SERAC1: variants seen among roughly 807,000 people sequenced by gnomAD.
SERAC1 encodes the protein protein SERAC1.
In SERAC1, 36 loss-of-function variants were observed where a neutral mutation model predicts 85.7. The ratio of observed to expected loss-of-function variants is 0.42; its 90% CI spans 0.32 to 0.55. The LOEUF (loss-of-function observed/expected upper bound fraction) is 0.55, where lower values mean the gene tolerates loss of function less well. Among genes scored for constraint, SERAC1 ranks in the 20% least tolerant of loss-of-function variants. SERAC1 has a pLI of 0.11. For missense variants in SERAC1, 629 were observed against 796.2 expected (o/e 0.79, Z 2.53); for synonymous variants, 242 against 265.3 (o/e 0.91, Z 0.85).
intron 3 of SERAC1, among the ~76,000 whole-genome samples, chr6:158,154,549 C>T (rs888391569): frequency 2.0e-5 from 3 of 152,020 alleles, no homozygotes; most frequent in African/African-American, 7.3e-5. Context: ...TTAACAAATA[C>T]AGTACGATAG....
At chr6:158,111,649 TGCA>T (rs1583553444) in intron 16 of SERAC1, 147 bp from the exon 17 acceptor site, 2 of 561,612 alleles carry the variant, frequency 3.6e-6, no homozygotes, top group East Asian at 6.1e-5. Flanking sequence ...GAAGTTTGAT[TGCA>T]GCTAAACTAC....
chr6:158,158,389 A>G lies in SERAC1; in HGVS notation c.-1-25T>C, dbSNP rs374681398. ...TCTGTGTAAGTAGAACAATTACAAC[A>G]AATTTAATTTAGCATCTAAATCAAA... On this transcript the variant is annotated intron_variant, in intron 1 of 16. Coordinates refer to ENST00000647468, the MANE Select transcript of SERAC1 (RefSeq NM_032861.4). 7.1e-6 allele frequency: 11 copies of G among 1,550,804 alleles called. No homozygotes were observed. The African/African-American group carries it at 1.4e-4, about 19-fold the overall frequency.
chr6:158,156,270 C>G (rs1785330526), intron 2 of SERAC1, among the ~76,000 whole-genome samples: 1 of 152,094 alleles, frequency 6.6e-6, no homozygotes, highest in Admixed American at 6.6e-5. Flanking sequence ...TGATAATTGC[C>G]TGTCCAATAC....
At chr6:158,139,312 A>T (rs920723330) in intron 8 of SERAC1, among the ~76,000 whole-genome samples, 8 of 152,218 alleles carry the variant, frequency 5.3e-5, no homozygotes, top group African/African-American at 1.7e-4. Flanking sequence ...CTAATAAGAG[A>T]TTTGTATCCA....
intron 8 of SERAC1, among the ~76,000 whole-genome samples, chr6:158,141,640 T>A (rs1025707589): frequency 6.6e-6 from 1 of 152,178 alleles, no homozygotes; most frequent in Non-Finnish European, 1.5e-5. Context: ...CCAGATCTCC[T>A]TGGAGAAGCG....
At chr6:158,138,560 T>G (rs1784848550) in intron 8 of SERAC1, among the ~76,000 whole-genome samples, 1 of 151,696 alleles carries the variant, frequency 6.6e-6, no homozygotes, top group African/African-American at 2.4e-5. Flanking sequence ...AATAGTAACG[T>G]CAGGCCAGGT....
intron 8 of SERAC1, among the ~76,000 whole-genome samples, chr6:158,132,549 G>A (rs1784702493): frequency 6.6e-6 from 1 of 152,070 alleles, no homozygotes; most frequent in Non-Finnish European, 1.5e-5. Flanking sequence ...TTCCCACCTT[G>A]TACCCTTGAA....
chr6:158,150,374 T>G (rs951640236), intron 4 of SERAC1, 79 bp downstream of exon 4: 2 of 1,146,234 alleles, frequency 1.7e-6, no homozygotes, highest in African/African-American at 3.1e-5. Context: ...TTACTAATAC[T>G]GTGTTTTAAA....
intron 3 of SERAC1, 81 bp downstream of exon 3, chr6:158,155,234 A>C: frequency 1.0e-6 from 1 of 959,772 alleles, no homozygotes; most frequent in Non-Finnish European, 1.7e-6. Context: ...TCAAGACCTC[A>C]TGCAACCTGT....
In SERAC1 at chr6:158,111,384, G is replaced by A; in HGVS notation, c.1947C>T (p.Ala649=). The A allele has an allele frequency of 6.3e-7, 1 of 1,597,494 alleles. No individual in the cohort carries two copies. Among genetic ancestry groups the A allele is most frequent in the Non-Finnish European group, 8.5e-7 (1 of 1,175,458 alleles). ...RTLQFIREAL[A]KDLEN is the part of the protein sequence containing the mutation. ...ACAACTGTTAGTTTTCAAGGTCTTTGGCTAAAGCTTCACGAATGAATTGTA... is the reference window on the plus strand; with the variant it reads ...ACAACTGTTAGTTTTCAAGGTCTTTAGCTAAAGCTTCACGAATGAATTGTA... Residue 649 remains alanine, a synonymous_variant, in exon 17 of 17, where the codon GCC becomes GCT. Transcript: ENST00000647468.
At chr6:158,122,344 A>G (rs1784442200) in intron 10 of SERAC1, among the ~76,000 whole-genome samples, 1 of 152,276 alleles carries the variant, frequency 6.6e-6, no homozygotes, top group African/African-American at 2.4e-5. Context: ...AAATAATGAA[A>G]TAACTAAAAG....
At chr6:158,152,915 A>G (rs1386546582) in intron 3 of SERAC1, 3 of 152,206 alleles carry the variant, frequency 2.0e-5, no homozygotes, top group African/African-American at 7.2e-5. Flanking sequence ...CACATTACTC[A>G]GAATGTATCG....
chr6:158,131,352 T>C (rs2128416166), intron 8 of SERAC1, among the ~76,000 whole-genome samples: 1 of 147,394 alleles, frequency 6.8e-6, no homozygotes, highest in African/African-American at 2.5e-5. Context: ...TATTATATAC[T>C]AATATACTAT....
intron 3 of SERAC1, among the ~76,000 whole-genome samples, chr6:158,153,902 G>A (rs541560205): frequency 2.0e-5 from 3 of 152,004 alleles, no homozygotes; most frequent in Admixed American, 6.6e-5. Flanking sequence ...AGGCCAAGAC[G>A]GGCAGATCAC....
At chr6:158,128,087 C>G in intron 10 of SERAC1, 21 bp downstream of exon 10, 1 of 1,590,786 alleles carries the variant, frequency 6.3e-7, no homozygotes, top group East Asian at 2.2e-5. Context: ...GTAAAAAATA[C>G]TCAGTATATA....
chr6:158,114,908 T>C lies in SERAC1; in HGVS notation c.1565A>G (p.Asn522Ser), dbSNP rs376858726. The change falls in exon 15 of 17, where the codon AAC becomes AGC. Residue 522 changes from asparagine to serine, a missense_variant. Coordinates refer to ENST00000647468, the MANE Select transcript of SERAC1 (RefSeq NM_032861.4). ...ATAAAAAATTATTCCTCTGGTATTG[T>C]TGATAACAGTACTCATTTCTGGCTT... is the stretch of plus-strand genomic sequence containing the variant. Reference protein sequence around the residue: ...STKPEMSTVINNTRGIIFYSV... With the variant: ...STKPEMSTVISNTRGIIFYSV... The C allele has an allele frequency of 4.3e-6, 7 of 1,613,898 alleles. No homozygotes were observed. Among genetic ancestry groups the C allele is most frequent in the Non-Finnish European group, 5.9e-6 (7 of 1,179,938 alleles).
At chr6:158,147,768 CAAAAAAAAAAAA>C (rs71027383) in intron 5 of SERAC1, among the ~76,000 whole-genome samples, 103 of 68,934 alleles carry the variant, frequency 1.5e-3, no homozygotes, top group East Asian at 2.4e-3. Context: ...GGCTCTGTCT[CAAAAAAAAAAAA>C]AAAAAAAAAA....
chr6:158,156,704 G>C (rs771869768), intron 2 of SERAC1, among the ~76,000 whole-genome samples: 1 of 145,662 alleles, frequency 6.9e-6, no homozygotes, highest in African/African-American at 2.5e-5. Flanking sequence ...ATTAGGTACT[G>C]AGGCTAGCCC....
chr6:158,166,378 A>G (rs1042328139), intron 1 of SERAC1, among the ~76,000 whole-genome samples: 1 of 152,172 alleles, frequency 6.6e-6, no homozygotes, highest in African/African-American at 2.4e-5. Flanking sequence ...CCCTGAATCA[A>G]TATCATACCA....
Sources: gnomAD v4.1 joint callset for allele counts (sites outside exome capture counted in the v4.1 genomes callset) on GRCh38, gnomAD v4.1.1 for gene constraint, MANE v1.5 for transcripts, NCBI Gene and HGNC (gene_info 2026-07-23, HGNC 2026-07-21) for gene names.